Variants in AMZ1 observed in about 807,000 individuals in gnomAD.
AMZ1 encodes archaelysin family metallopeptidase 1.
Under a neutral mutation model 29.9 loss-of-function variants are expected in AMZ1, and 39 were observed. The ratio of observed to expected loss-of-function variants is 1.30; its 90% CI spans 1.01 to 1.70. The LOEUF is 1.70. Among genes scored for constraint, AMZ1 ranks in the 40% most tolerant of loss-of-function variants. AMZ1 has a pLI of 0.00. For synonymous variants in AMZ1, 458 were observed against 304.0 expected, an observed-to-expected ratio of 1.51 and a Z score of -5.27; for missense variants, 1,041 against 680.6, an observed-to-expected ratio of 1.53 and a Z score of -5.89.
At chr7:2,708,511 C>T (rs559759254) in intron 3 of AMZ1, 77 bp from the exon 4 acceptor site, 96 of 1,586,470 alleles carry the variant, frequency 6.1e-5, no homozygotes, top group African/African-American at 4.9e-4. Context: ...AAGAGGATGA[C>T]GGGGTGCCAG....
At chr7:2,708,928 C>G (rs1486050835) in intron 4 of AMZ1, 147 bp from the exon 5 acceptor site, 4 of 1,275,444 alleles carry the variant, frequency 3.1e-6, no homozygotes, top group East Asian at 2.5e-5. Context: ...CAGGGCCCAA[C>G]TTCATGTGGG....
rs577284079 is a variant in AMZ1 at position 2,691,014 on chromosome 7, G to A, written c.-219+2718G>A. ...AAATTAGCCTGGCATGGTGGCATGCGTCTGTAGTCCCAGCTACTAGGGAGG... is the reference window on the plus strand; with the variant it reads ...AAATTAGCCTGGCATGGTGGCATGCATCTGTAGTCCCAGCTACTAGGGAGG... On this transcript the variant is annotated intron_variant, in intron 1 of 6. Coordinates refer to ENST00000683327, the MANE Select transcript of AMZ1 (RefSeq NM_001384743.1). Among the ~76,000 whole-genome samples the A allele has an allele frequency of 6.6e-5, 10 of 150,530 alleles. No individual in the cohort carries two copies. The South Asian group carries it at 1.5e-3, about 22-fold the overall frequency.
chr7:2,747,708 T>C (rs1028725799), intron 4 of AMZ1, among the ~76,000 whole-genome samples: 5 of 152,140 alleles, frequency 3.3e-5, no homozygotes, highest in Non-Finnish European at 7.3e-5. Context: ...GGGTATTCAA[T>C]TAGGAAAAGA....
upstream of AMZ1, among the ~76,000 whole-genome samples, chr7:2,760,887 A>C (rs798491): frequency 7.2e-5 from 11 of 152,150 alleles, no homozygotes; most frequent in African/African-American, 2.6e-4. Context: ...CCTCACAGCA[A>C]TGTGGCTTCT....
At chr7:2,737,624 C>A (rs1790274907) in intron 4 of AMZ1, among the ~76,000 whole-genome samples, 3 of 152,244 alleles carry the variant, frequency 2.0e-5, no homozygotes, top group Admixed American at 1.3e-4. Context: ...GAGGTTAACT[C>A]TAAAATCCTA....
chr7:2,692,293 C>T (rs1162430090), intron 1 of AMZ1, among the ~76,000 whole-genome samples: 1 of 152,162 alleles, frequency 6.6e-6, no homozygotes, highest in Non-Finnish European at 1.5e-5. Context: ...GTAATCCCAA[C>T]ACTCTGGGAG....
At chr7:2,762,912 G>A (rs1791635090), upstream of AMZ1, 4 of 1,416,000 alleles carry the variant, frequency 2.8e-6, no homozygotes, top group Non-Finnish European at 3.7e-6. Flanking sequence ...GGGAGAAGAG[G>A]CCACAGGCGG....
Position 2,709,113 on chromosome 7 carries a change from T to C in AMZ1, c.640T>C (p.Phe214Leu). 1.2e-6 allele frequency: 2 copies of C among 1,601,118 alleles called. No homozygotes were observed. The highest frequency in any genetic ancestry group is 1.7e-6 in the Non-Finnish European group (2 of 1,174,160). The part of the protein sequence containing the change: ...VCSFARFSGE[F>L]PKSGPSAPDL... Reference sequence around the variant, plus strand: ...CAGCTTCGCCCGGTTCTCAGGGGAATTCCCGAAGTCGGGGCCCAGCGCCCC... The same window carrying C: ...CAGCTTCGCCCGGTTCTCAGGGGAACTCCCGAAGTCGGGGCCCAGCGCCCC... The change falls in exon 5 of 7, where the codon TTC (phenylalanine) becomes CTC (leucine). Residue 214 changes from phenylalanine to leucine, a missense_variant. Phe to Leu is a conservative substitution (Grantham distance 22). Coordinates refer to ENST00000683327, the MANE Select transcript of AMZ1 (RefSeq NM_001384743.1).
chr7:2,756,643 A>C (rs1237399402), intron 4 of AMZ1, among the ~76,000 whole-genome samples: 1 of 152,108 alleles, frequency 6.6e-6, no homozygotes. Context: ...ATAGGAGAGG[A>C]TCTGTGTGAT....
In AMZ1 at chr7:2,712,638, G is replaced by T; in HGVS notation, c.1257G>T (p.Gln419His). Residue 419 changes from glutamine to histidine, a missense_variant, in exon 7 of 7, where the codon CAG (glutamine) becomes CAT (histidine). Coordinates refer to ENST00000683327, the MANE Select transcript of AMZ1 (RefSeq NM_001384743.1). ...RWLAMCIQAL[Q>H]REVAEEDLVQ... ...TGGCCATGTGCATCCAGGCCCTGCA[G>T]CGGGAAGTGGCAGAGGAGGACCTGG... The T allele has an allele frequency of 6.2e-7, 1 of 1,613,098 alleles. No homozygotes were observed. Among genetic ancestry groups the T allele is most frequent in the Non-Finnish European group, 8.5e-7 (1 of 1,179,898 alleles).
At chr7:2,740,594 T>C (rs1790449980) in intron 4 of AMZ1, among the ~76,000 whole-genome samples, 1 of 152,164 alleles carries the variant, frequency 6.6e-6, no homozygotes, top group South Asian at 2.1e-4. Flanking sequence ...CAAATATAAT[T>C]ATGAACTTGT....
intron 4 of AMZ1, among the ~76,000 whole-genome samples, chr7:2,732,356 G>A (rs1310585931): frequency 2.0e-5 from 3 of 152,138 alleles, no homozygotes; most frequent in African/African-American, 7.2e-5. Context: ...AGAACAGCCT[G>A]GGCAACATAG....
At chr7:2,693,239 C>G (rs1176583304) in intron 1 of AMZ1, among the ~76,000 whole-genome samples, 1 of 152,132 alleles carries the variant, frequency 6.6e-6, no homozygotes, top group Admixed American at 6.6e-5. Flanking sequence ...CAGGCATGCG[C>G]CACCACGCCC....
chr7:2,689,882 C>T (rs778875416), intron 1 of AMZ1, among the ~76,000 whole-genome samples: 27 of 152,170 alleles, frequency 1.8e-4, no homozygotes, highest in South Asian at 1.7e-3. Flanking sequence ...AGGCGGCTCC[C>T]TCCCCGTGGG....
chr7:2,745,712 G>C (rs1790731998), intron 4 of AMZ1, among the ~76,000 whole-genome samples: 1 of 152,182 alleles, frequency 6.6e-6, no homozygotes, highest in Non-Finnish European at 1.5e-5. Flanking sequence ...CCAATTAAAA[G>C]ACACAGACTG....
At chr7:2,732,880 T>C (rs1789971940) in intron 4 of AMZ1, among the ~76,000 whole-genome samples, 1 of 152,248 alleles carries the variant, frequency 6.6e-6, no homozygotes, top group African/African-American at 2.4e-5. Context: ...CTTATTAGGT[T>C]GTTGATTCAA....
At chr7:2,721,424 G>C (rs1215181454), downstream of AMZ1, among the ~76,000 whole-genome samples, 1 of 152,168 alleles carries the variant, frequency 6.6e-6, no homozygotes, top group Non-Finnish European at 1.5e-5. Flanking sequence ...TCTTCTGTTT[G>C]AAAGCAGTAG....
At chr7:2,690,026 C>G (rs748145206) in intron 1 of AMZ1, among the ~76,000 whole-genome samples, 1 of 152,112 alleles carries the variant, frequency 6.6e-6, no homozygotes, top group Non-Finnish European at 1.5e-5. Flanking sequence ...CCCACGAAGA[C>G]GAATGTGGCC....
intron 4 of AMZ1, among the ~76,000 whole-genome samples, chr7:2,743,144 TA>T (rs946120204): frequency 2.0e-5 from 3 of 152,208 alleles, no homozygotes; most frequent in African/African-American, 4.8e-5. Flanking sequence ...GTTCTGTGCA[TA>T]AACTTTGCCT....
Sources: allele counts gnomAD v4.1 joint callset (sites outside exome capture counted in the v4.1 genomes callset), GRCh38; gene constraint gnomAD v4.1.1; transcripts MANE v1.5; gene names NCBI Gene and HGNC (gene_info 2026-07-23, HGNC 2026-07-21).